The following DLG1 variants were observed in gnomAD, a reference collection of about 807,000 sequenced individuals.
DLG1 encodes discs large MAGUK scaffold protein 1, also known as disks large homolog 1.
A neutral mutation model predicts 123.4 loss-of-function variants in DLG1; 42 were observed. That is an observed-to-expected ratio of 0.34 (90% confidence interval 0.27 to 0.44). The LOEUF is 0.44. Ranked by LOEUF, DLG1 falls within the 20% of genes least tolerant of loss-of-function variation. The probability of loss-of-function intolerance (pLI) is 1.00; values close to 1 mark genes in which losing one functional copy is unlikely to be tolerated. For missense variants in DLG1, 942 were observed against 1,082.6 expected (o/e 0.87, Z 1.82); for synonymous variants, 317 against 356.2 (o/e 0.89, Z 1.24).
intron 5 of DLG1, among the ~76,000 whole-genome samples, chr3:197,167,969 T>A (rs1802244682): frequency 6.6e-6 from 1 of 152,238 alleles, no homozygotes; most frequent in African/African-American, 2.4e-5. Flanking sequence ...TAATAGCTGA[T>A]TAATAATCTA....
intron 18 of DLG1, among the ~76,000 whole-genome samples, chr3:197,076,224 TACCTAGAAATCA>T (rs922948587): frequency 6.6e-6 from 1 of 152,224 alleles, no homozygotes; most frequent in Admixed American, 6.5e-5. Flanking sequence ...CGCCATGTTA[TACCTAGAAATCA>T]ACAGGTAGCT....
chr3:197,256,720 T>C (rs1311934524), intron 4 of DLG1, among the ~76,000 whole-genome samples: 1 of 152,210 alleles, frequency 6.6e-6, no homozygotes, highest in Non-Finnish European at 1.5e-5. Flanking sequence ...TTATAAGTTA[T>C]CAATACGAGC....
intron 10 of DLG1, among the ~76,000 whole-genome samples, chr3:197,132,664 G>A (rs1158976610): frequency 2.8e-4 from 28 of 98,792 alleles, no homozygotes; most frequent in Non-Finnish European, 4.7e-4. Context: ...GTGGCATACT[G>A]CTGAAATACA....
rs919780366 is a variant in DLG1, at chr3:197,155,760, A to T, written c.484-5964T>A. 5.3e-5 allele frequency among the ~76,000 whole-genome samples: 8 copies of T among 152,212 alleles called. 1 individual carries two copies. Among genetic ancestry groups the T allele is most frequent in the African/African-American group, 1.9e-4 (8 of 41,526 alleles). On this transcript the variant is annotated intron_variant, in intron 5 of 24. Coordinates refer to ENST00000667157, the MANE Select transcript of DLG1 (RefSeq NM_001366207.1). ...AGCCTGTGGAACATGGTGAAACCCCATCTCTACAAACAAAACAAAACAGCA... is the reference window on the plus strand; with the variant it reads ...AGCCTGTGGAACATGGTGAAACCCCTTCTCTACAAACAAAACAAAACAGCA...
intron 6 of DLG1, among the ~76,000 whole-genome samples, chr3:197,144,185 A>G (rs1789496388): frequency 6.6e-6 from 1 of 152,204 alleles, no homozygotes; most frequent in Admixed American, 6.5e-5. Context: ...AGCTTTGACT[A>G]AAATAAATGT....
intron 4 of DLG1, among the ~76,000 whole-genome samples, chr3:197,252,239 T>C (rs1242761859): frequency 6.6e-6 from 1 of 152,202 alleles, no homozygotes. Context: ...CCTCTTCTTT[T>C]ACTGCTTTTA....
chr3:197,089,695 C>A (rs1178252739), intron 15 of DLG1, among the ~76,000 whole-genome samples: 1 of 150,786 alleles, frequency 6.6e-6, no homozygotes. Flanking sequence ...ATTAATTATA[C>A]TAAAATTAGG....
chr3:197,195,093 T>G (rs1156329259), intron 4 of DLG1, among the ~76,000 whole-genome samples: 1 of 151,428 alleles, frequency 6.6e-6, no homozygotes, highest in Non-Finnish European at 1.5e-5. Context: ...TTCTAAAAAA[T>G]TACCATAATT....
At chr3:197,184,255 G>A (rs1265585841) in intron 5 of DLG1, 2 of 289,184 alleles carry the variant, frequency 6.9e-6, no homozygotes, top group Non-Finnish European at 1.0e-5. Flanking sequence ...AAAAACCCTG[G>A]ATTACCAAGT....
intron 5 of DLG1, among the ~76,000 whole-genome samples, chr3:197,183,343 T>C (rs958313163): frequency 5.3e-5 from 8 of 152,178 alleles, no homozygotes; most frequent in African/African-American, 1.9e-4. Context: ...AGAAAAGTCA[T>C]TCAATTGAAT....
At chr3:197,246,319 C>T (rs1021130307) in intron 4 of DLG1, among the ~76,000 whole-genome samples, 15 of 152,234 alleles carry the variant, frequency 9.9e-5, no homozygotes, top group South Asian at 8.3e-4. Flanking sequence ...TAAGCACTTA[C>T]ACTTAGGCCC....
chr3:197,260,845 C>T (rs1175797284), intron 4 of DLG1, among the ~76,000 whole-genome samples: 1 of 143,566 alleles, frequency 7.0e-6, no homozygotes, highest in Non-Finnish European at 1.5e-5. Flanking sequence ...CTGCAGCCTG[C>T]AAAGTAATGA....
At chr3:197,111,666 A>G (rs532404270) in intron 13 of DLG1, among the ~76,000 whole-genome samples, 1 of 152,348 alleles carries the variant, frequency 6.6e-6, no homozygotes, top group East Asian at 1.9e-4. Context: ...TTTTCCACCG[A>G]TGTTCAACTG....
chr3:197,189,610 A>G (rs1319783336), intron 5 of DLG1, among the ~76,000 whole-genome samples: 3 of 152,214 alleles, frequency 2.0e-5, no homozygotes, highest in Non-Finnish European at 4.4e-5. Flanking sequence ...GATGGTTTAT[A>G]ATTGTTTCAG....
In DLG1 at chr3:197,091,023, T is replaced by A. The variant is rs750165570; in HGVS notation, c.1550A>T (p.Tyr517Phe). Residue 517 changes from tyrosine (Y) to phenylalanine (F), a missense_variant, in exon 15 of 25, where the codon TAC (tyrosine) becomes TTC (phenylalanine). Physicochemically the swap from Tyr to Phe is conservative, Grantham distance 22 (BLOSUM62 3). Coordinates refer to ENST00000667157, the MANE Select transcript of DLG1 (RefSeq NM_001366207.1). ...ATGTATTTTAGCTTCAAAACGACTG[T>A]ATTCTGATGGAAGAAAAAGAGAAAT... ...TIVAQYRPEE[Y>F]SRFEAKIHDL... The A allele has an allele frequency of 6.3e-7, 1 of 1,578,208 alleles. No homozygotes were observed.
intron 3 of DLG1, among the ~76,000 whole-genome samples, chr3:197,283,345 T>TAGCCAA (rs1258398169): frequency 1.3e-5 from 2 of 152,142 alleles, no homozygotes; most frequent in Admixed American, 6.5e-5. Context: ...ATTGCCCTTC[T>TAGCCAA]AGCCAAAGCC....
At chr3:197,247,693 T>C (rs1284254388) in intron 4 of DLG1, among the ~76,000 whole-genome samples, 1 of 152,222 alleles carries the variant, frequency 6.6e-6, no homozygotes, top group Non-Finnish European at 1.5e-5. Context: ...CTCTTATGTT[T>C]AGTCCTCTCA....
At chr3:197,153,260 G>C (rs1410185648) in intron 5 of DLG1, among the ~76,000 whole-genome samples, 1 of 152,218 alleles carries the variant, frequency 6.6e-6, no homozygotes, top group Non-Finnish European at 1.5e-5. Context: ...AAAGAAGGTA[G>C]AGTAGGAAGC....
chr3:197,100,367 C>CT (rs1166664224), intron 14 of DLG1, among the ~76,000 whole-genome samples: 1 of 152,196 alleles, frequency 6.6e-6, no homozygotes, highest in Non-Finnish European at 1.5e-5. Flanking sequence ...GGCCTAACCT[C>CT]TCTAGACTCT....
Sources: allele counts gnomAD v4.1 joint callset (sites outside exome capture counted in the v4.1 genomes callset), GRCh38; gene constraint gnomAD v4.1.1; transcripts MANE v1.5; gene names NCBI Gene and HGNC (gene_info 2026-07-23, HGNC 2026-07-21).